KSR2: variants seen among roughly 807,000 people sequenced by gnomAD.
KSR2 encodes the protein kinase suppressor of ras 2.
KSR2 carries 25 observed loss-of-function variants against 107.8 expected under a neutral mutation model. The observed-to-expected ratio is 0.23, with a 90% CI of 0.17 to 0.32. The LOEUF is 0.32. Among genes scored for constraint, KSR2 ranks in the 10% least tolerant of loss-of-function variants. The pLI, the probability that KSR2 is intolerant of heterozygous loss-of-function variation, is 1.00. For synonymous variants in KSR2, 480 were observed against 507.0 expected, an observed-to-expected ratio of 0.95 and a Z score of 0.71; for missense variants, 887 against 1,268.9, an observed-to-expected ratio of 0.70 and a Z score of 4.57.
At chr12:117,544,767 G>A (rs771061271) in intron 9 of KSR2, among the ~76,000 whole-genome samples, 1 of 152,140 alleles carries the variant, frequency 6.6e-6, no homozygotes, top group Non-Finnish European at 1.5e-5. Context: ...CATGGATGAT[G>A]TCATTTGCAA....
At chr12:117,949,215 A>T (rs750536333) in intron 1 of KSR2, among the ~76,000 whole-genome samples, 4 of 152,230 alleles carry the variant, frequency 2.6e-5, no homozygotes, top group Non-Finnish European at 4.4e-5. Context: ...AATCATAAAA[A>T]AATAAACATT....
At chr12:117,499,804 A>G (rs993813827) in intron 14 of KSR2, among the ~76,000 whole-genome samples, 1 of 152,224 alleles carries the variant, frequency 6.6e-6, no homozygotes, top group African/African-American at 2.4e-5. Context: ...ATAAGAGACA[A>G]AAGGGCAGGC....
intron 5 of KSR2, among the ~76,000 whole-genome samples, chr12:117,628,318 T>TC (rs1209347723): frequency 1.2e-4 from 19 of 152,372 alleles, no homozygotes; most frequent in Middle Eastern, 6.8e-3. Context: ...CTCTGGTTTC[T>TC]CCCCATCTTT....
chr12:117,500,246 G>C (rs1404642541), intron 14 of KSR2, among the ~76,000 whole-genome samples: 1 of 152,200 alleles, frequency 6.6e-6, no homozygotes. Flanking sequence ...GAATGCAGAA[G>C]GGGGATGGAA....
intron 5 of KSR2, among the ~76,000 whole-genome samples, chr12:117,633,645 C>T (rs1374366758): frequency 6.6e-6 from 1 of 152,206 alleles, no homozygotes; most frequent in African/African-American, 2.4e-5. Context: ...ATCTCTGCCT[C>T]TGTCCTCACA....
At chr12:117,545,282 G>A (rs571227139) in intron 9 of KSR2, among the ~76,000 whole-genome samples, 4 of 152,076 alleles carry the variant, frequency 2.6e-5, no homozygotes, top group Admixed American at 2.6e-4. Context: ...TTTGTACTCT[G>A]GCTTTAGTAT....
intron 3 of KSR2, among the ~76,000 whole-genome samples, chr12:117,771,810 C>T (rs992658869): frequency 6.6e-6 from 1 of 152,074 alleles, no homozygotes; most frequent in African/African-American, 2.4e-5. Flanking sequence ...CTGGGACCCA[C>T]CCCTCCCCGT....
At position 117,524,834 on chromosome 12, in the gene KSR2, A is replaced by C. The variant is rs776449002; in HGVS notation, c.2219+18T>G. 4 of 1,583,526 alleles carry C rather than the reference A, an allele frequency of 2.5e-6. No homozygotes were observed. In the East Asian group the frequency reaches 8.9e-5, roughly 35 times the overall value. ...AGAGTTTTGCCAATCCCTGGGTAGA[A>C]GCCCAGGTGGAACTGACCTGGTGAT... On this transcript the variant is annotated intron_variant, in intron 14 of 19. Transcript: ENST00000339824.
At chr12:117,778,023 ACT>A (rs2136935533) in intron 3 of KSR2, among the ~76,000 whole-genome samples, 1 of 152,148 alleles carries the variant, frequency 6.6e-6, no homozygotes, top group South Asian at 2.1e-4. Flanking sequence ...TCAGAGTGAG[ACT>A]CTGTCTCAAA....
chr12:117,491,829 T>A (rs1872760774), intron 14 of KSR2, among the ~76,000 whole-genome samples: 2 of 152,206 alleles, frequency 1.3e-5, no homozygotes, highest in Non-Finnish European at 2.9e-5. Flanking sequence ...CATCTTTTGC[T>A]TCTTAACAAC....
intron 14 of KSR2, among the ~76,000 whole-genome samples, chr12:117,491,074 C>T (rs940726633): frequency 6.6e-6 from 1 of 152,154 alleles, no homozygotes; most frequent in Non-Finnish European, 1.5e-5. Flanking sequence ...AAAGTCTCTC[C>T]ACTCCCCATA....
At chr12:117,890,453 G>A (rs1720409016) in intron 1 of KSR2, among the ~76,000 whole-genome samples, 2 of 152,188 alleles carry the variant, frequency 1.3e-5, no homozygotes, top group Non-Finnish European at 2.9e-5. Flanking sequence ...GAGCTCCAGA[G>A]TAAAGGGAAC....
chr12:117,866,388 C>G (rs940196955), intron 1 of KSR2, among the ~76,000 whole-genome samples: 3 of 152,322 alleles, frequency 2.0e-5, no homozygotes, highest in African/African-American at 7.2e-5. Flanking sequence ...GAGCCTTGGG[C>G]AGATAACAAT....
intron 1 of KSR2, among the ~76,000 whole-genome samples, chr12:117,872,977 T>C (rs1324095557): frequency 6.6e-6 from 1 of 152,116 alleles, no homozygotes; most frequent in Non-Finnish European, 1.5e-5. Context: ...CAAGGCCACG[T>C]GGCAGGAACC....
intron 1 of KSR2, among the ~76,000 whole-genome samples, chr12:117,928,738 C>T (rs1008356190): frequency 2.6e-5 from 4 of 152,136 alleles, no homozygotes; most frequent in East Asian, 1.9e-4. Context: ...TTTTGAAGAA[C>T]CTCCTTATAT....
intron 2 of KSR2, 122 bp downstream of exon 2, chr12:117,860,169 T>G: frequency 7.2e-6 from 7 of 975,860 alleles, no homozygotes; most frequent in African/African-American, 1.6e-5. Context: ...ACATATTTAT[T>G]GAGAGCCTGC....
chr12:117,688,832 C>T (rs918164134), intron 4 of KSR2, among the ~76,000 whole-genome samples: 45 of 152,332 alleles, frequency 3.0e-4, no homozygotes, highest in African/African-American at 1.0e-3. Flanking sequence ...CTGCCTTCCC[C>T]ACTGGAAAAG....
intron 1 of KSR2, chr12:117,889,682 T>C (rs892880752): frequency 1.3e-5 from 2 of 152,224 alleles, no homozygotes; most frequent in African/African-American, 4.8e-5. Context: ...TAACACTTCA[T>C]TCAGAGCTTG....
intron 12 of KSR2, 68 bp from the exon 13 acceptor site, chr12:117,527,187 T>C (rs948539511): frequency 6.8e-6 from 8 of 1,173,352 alleles, no homozygotes; most frequent in Middle Eastern, 1.9e-4. Context: ...AGTTTAGCTA[T>C]GTACGAAGAA....
Sources: gnomAD v4.1 joint callset for allele counts (sites outside exome capture counted in the v4.1 genomes callset) on GRCh38, gnomAD v4.1.1 for gene constraint, MANE v1.5 for transcripts, NCBI Gene and HGNC (gene_info 2026-07-23, HGNC 2026-07-21) for gene names.